PPM1B: variants seen among roughly 807,000 people sequenced by gnomAD.
The protein encoded by PPM1B is protein phosphatase, Mg2+/Mn2+ dependent 1B, also known as protein phosphatase 1B.
In PPM1B, 22 loss-of-function variants were observed where a neutral mutation model predicts 43.0. The ratio of observed to expected loss-of-function variants is 0.51; its 90% CI spans 0.37 to 0.73. The LOEUF (loss-of-function observed/expected upper bound fraction) is 0.73, where lower values mean the gene tolerates loss of function less well. PPM1B is among the 30% of genes least tolerant of loss of function. The pLI is 0.00. For missense variants in PPM1B, 632 were observed against 584.2 expected (o/e 1.08, Z -0.84); for synonymous variants, 217 against 197.9 (o/e 1.10, Z -0.81).
intron 1 of PPM1B, among the ~76,000 whole-genome samples, chr2:44,172,160 GAT>G (rs1372808790): frequency 2.0e-5 from 3 of 152,138 alleles, no homozygotes; most frequent in Non-Finnish European, 4.4e-5. Context: ...TCAGGAGTAT[GAT>G]ATTCCTGAAT....
At chr2:44,176,207 T>C (rs1266604974) in intron 1 of PPM1B, among the ~76,000 whole-genome samples, 1 of 152,194 alleles carries the variant, frequency 6.6e-6, no homozygotes, top group Non-Finnish European at 1.5e-5. Flanking sequence ...GATGAGTTCC[T>C]GGAAAGGAGG....
downstream of PPM1B, among the ~76,000 whole-genome samples, chr2:44,239,545 T>A (rs7590651): frequency 0.38 from 58,165 of 151,882 alleles, 11,810 homozygotes; most frequent in African/African-American, 0.52. Context: ...CTAATTTTTT[T>A]AATTTATATA....
chr2:44,172,628 C>T (rs866730334), intron 1 of PPM1B, among the ~76,000 whole-genome samples: 1 of 152,112 alleles, frequency 6.6e-6, no homozygotes, highest in African/African-American at 2.4e-5. Flanking sequence ...AGAATCTTTA[C>T]AAGTAAAATG....
chr2:44,170,386 AT>A (rs1193247402), intron 1 of PPM1B, among the ~76,000 whole-genome samples: 1 of 152,256 alleles, frequency 6.6e-6, no homozygotes, highest in Non-Finnish European at 1.5e-5. Flanking sequence ...TTATTTAGGA[AT>A]TTGAGTAGTC....
At chr2:44,169,297 C>G (rs1472126787) in intron 1 of PPM1B, 23 bp downstream of exon 1, 1 of 152,350 alleles carries the variant, frequency 6.6e-6, no homozygotes, top group Middle Eastern at 3.2e-3. Flanking sequence ...GGCACCCCGC[C>G]GGAGGGGAAG....
chr2:44,240,282 T>A lies in PPM1B; in HGVS notation n.1547-3946T>A, dbSNP rs529095318. On this transcript the variant is annotated intron_variant and non_coding_transcript_variant, in intron 5 of 5. Transcript: ENST00000378540. ...GAAAATTGTTCGCCCTTCCTATAAT[T>A]ATTTTGTGTGTTTCTGTTGTACATT... is the stretch of plus-strand genomic sequence containing the variant. Among the ~76,000 whole-genome samples the A allele has an allele frequency of 7.3e-4, 107 of 146,218 alleles. 5 individuals carry two copies. The highest frequency in any genetic ancestry group is 2.4e-3 in the African/African-American group (97 of 40,880).
chr2:44,234,580 G>A (rs139184027), downstream of PPM1B: 617 of 984,856 alleles, frequency 6.3e-4, 4 homozygotes, highest in African/African-American at 0.01. Context: ...GGTTACTGGT[G>A]CTTGAAACAG....
In PPM1B at chr2:44,189,940, G is replaced by A. The variant is rs188528727; in HGVS notation, c.-14-11246G>A. Among the ~76,000 whole-genome samples, 32 of 152,178 alleles carry A rather than the reference G, an allele frequency of 2.1e-4. No homozygotes were observed. In the East Asian group the frequency reaches 5.6e-3, roughly 27 times the overall value. The stretch of plus-strand genomic sequence containing the variant: ...TTACTAACATTTTGATGGCATGTTG[G>A]GAGGGATTAGAGATAAATGGCTTTG... On this transcript the variant is annotated intron_variant, in intron 1 of 5. Transcript: ENST00000282412.
At chr2:44,244,301 C>A in exon 6 of PPM1B, 8 of 1,360,672 alleles carry the variant, frequency 5.9e-6, no homozygotes, top group Non-Finnish European at 7.9e-6. Context: ...GGCTGGCAGA[C>A]CTTCCAAGCA....
At chr2:44,232,923 T>G, downstream of PPM1B, 1 of 977,288 alleles carries the variant, frequency 1.0e-6, no homozygotes, top group Non-Finnish European at 1.2e-6. Flanking sequence ...GTCCAAATTG[T>G]AATGTTGCCT....
At chr2:44,188,725 T>C (rs1253623463) in intron 1 of PPM1B, among the ~76,000 whole-genome samples, 1 of 142,266 alleles carries the variant, frequency 7.0e-6, no homozygotes, top group Non-Finnish European at 1.6e-5. Context: ...TTTCCTTCCT[T>C]CCTTCCTTCC....
intron 1 of PPM1B, among the ~76,000 whole-genome samples, chr2:44,194,506 G>C (rs1346970095): frequency 6.6e-6 from 1 of 151,948 alleles, no homozygotes; most frequent in African/African-American, 2.4e-5. Context: ...GGCGGATCAC[G>C]ATGTCAGGAG....
chr2:44,227,557 G>A (rs964480264), intron 5 of PPM1B, among the ~76,000 whole-genome samples: 3 of 143,436 alleles, frequency 2.1e-5, no homozygotes, highest in Admixed American at 7.2e-5. Flanking sequence ...TTGCTCTGTC[G>A]CCTAGGCTGG....
chr2:44,242,295 A>G (rs999822092), intron 5 of PPM1B, among the ~76,000 whole-genome samples: 3 of 152,226 alleles, frequency 2.0e-5, no homozygotes, highest in African/African-American at 7.2e-5. Flanking sequence ...ATTTATGGAT[A>G]GTAGTATGTA....
At chr2:44,241,210 C>T (rs1180157513) in intron 5 of PPM1B, among the ~76,000 whole-genome samples, 1 of 141,898 alleles carries the variant, frequency 7.0e-6, no homozygotes, top group Non-Finnish European at 1.6e-5. Context: ...TCCATGTTGG[C>T]CAGGCTGGTC....
chr2:44,169,790 G>A (rs183208276), intron 1 of PPM1B, among the ~76,000 whole-genome samples: 24 of 152,262 alleles, frequency 1.6e-4, no homozygotes, highest in Admixed American at 1.0e-3. Context: ...CTCCTTAGTG[G>A]CTTTAAATTG....
intron 3 of PPM1B, among the ~76,000 whole-genome samples, chr2:44,215,889 C>T (rs962887494): frequency 5.3e-5 from 8 of 152,076 alleles, no homozygotes; most frequent in African/African-American, 1.9e-4. Flanking sequence ...GATGTTTGAG[C>T]AGCCGTGCTT....
chr2:44,214,715 G>T (rs1219925219), intron 3 of PPM1B, among the ~76,000 whole-genome samples: 1 of 152,102 alleles, frequency 6.6e-6, no homozygotes, highest in Non-Finnish European at 1.5e-5. Context: ...TATATCAAGT[G>T]TGTGGGGGTT....
At chr2:44,232,423 AG>A (rs1303670370), downstream of PPM1B, 1 of 1,583,954 alleles carries the variant, frequency 6.3e-7, no homozygotes, top group African/African-American at 1.4e-5. Context: ...CTTCAATACA[AG>A]GGGAAAATAT....
Sources: allele counts gnomAD v4.1 joint callset (sites outside exome capture counted in the v4.1 genomes callset), GRCh38; gene constraint gnomAD v4.1.1; transcripts MANE v1.5; gene names NCBI Gene and HGNC (gene_info 2026-07-23, HGNC 2026-07-21).